Variants in SLC38A6 observed in about 807,000 individuals in gnomAD.
The protein encoded by SLC38A6 is solute carrier family 38 member 6, also known as N system amino acid transporter NAT-1.
SLC38A6 carries 73 observed loss-of-function variants against 65.0 expected under a neutral mutation model. The ratio of observed to expected loss-of-function variants is 1.12; its 90% confidence interval spans 0.93 to 1.37. The LOEUF is 1.37. Among genes scored for constraint, SLC38A6 ranks in the 40% most tolerant of loss-of-function variants. The pLI is 0.00. For missense variants in SLC38A6, 561 were observed against 531.1 expected (o/e 1.06, Z -0.55); for synonymous variants, 183 against 178.8 (o/e 1.02, Z -0.19).
chr14:61,014,912 G>C (rs1455734024), intron 3 of SLC38A6, among the ~76,000 whole-genome samples: 1 of 152,212 alleles, frequency 6.6e-6, no homozygotes, highest in East Asian at 1.9e-4. Flanking sequence ...CATCAAAGCT[G>C]TCAGACAGAG....
chr14:60,989,373 T>C (rs2037691870), intron 3 of SLC38A6, among the ~76,000 whole-genome samples: 1 of 152,202 alleles, frequency 6.6e-6, no homozygotes, highest in Non-Finnish European at 1.5e-5. Context: ...AAAATCTCTT[T>C]TACTTTGCAT....
At chr14:61,077,497 C>A (rs1485085914) in intron 15 of SLC38A6, among the ~76,000 whole-genome samples, 5 of 152,088 alleles carry the variant, frequency 3.3e-5, no homozygotes, top group Non-Finnish European at 7.4e-5. Flanking sequence ...CAGAAAAAAA[C>A]ACAGGACATT....
intron 15 of SLC38A6, among the ~76,000 whole-genome samples, chr14:61,069,178 C>T (rs117225981): frequency 0.01 from 1,596 of 152,274 alleles, 15 homozygotes; most frequent in Non-Finnish European, 0.014. Context: ...GACTCCAATG[C>T]ACAACTACTG....
intron 5 of SLC38A6, among the ~76,000 whole-genome samples, chr14:61,027,882 T>G (rs1306052070): frequency 6.6e-6 from 1 of 152,034 alleles, no homozygotes; most frequent in Non-Finnish European, 1.5e-5. Flanking sequence ...GGTTGTATAC[T>G]CTTAAAATAT....
chr14:61,004,009 C>A (rs1053930018), intron 3 of SLC38A6, among the ~76,000 whole-genome samples: 1 of 152,092 alleles, frequency 6.6e-6, no homozygotes, highest in Non-Finnish European at 1.5e-5. Context: ...ACCCAGGGAG[C>A]AAGTTTGAGG....
intron 15 of SLC38A6, among the ~76,000 whole-genome samples, chr14:61,076,238 A>G (rs909798645): frequency 3.3e-5 from 5 of 152,324 alleles, no homozygotes; most frequent in Admixed American, 3.3e-4. Context: ...ATGGAAAAAG[A>G]GTAGAAACAA....
intron 15 of SLC38A6, among the ~76,000 whole-genome samples, chr14:61,071,900 G>A (rs1489565977): frequency 2.0e-5 from 3 of 152,196 alleles, no homozygotes; most frequent in South Asian, 2.1e-4. Flanking sequence ...TAAATCTTGT[G>A]TATTTAGGGA....
At chr14:61,025,269 GAAAC>G (rs2040543178) in intron 5 of SLC38A6, among the ~76,000 whole-genome samples, 1 of 152,148 alleles carries the variant, frequency 6.6e-6, no homozygotes. Context: ...TTAGATGCTA[GAAAC>G]TACTTGGATT....
rs1370322253 is a variant in SLC38A6, at chr14:61,083,687, C to A, written c.1541C>A (p.Pro514Gln). 5.2e-6 allele frequency: 8 copies of A among 1,549,474 alleles called. No homozygotes were observed. In the East Asian group the frequency reaches 1.5e-4, roughly 28 times the overall value. ...GTCCACACCTTGATCTTGCACTTCC[C>A]AACCTCCAGAACTGTGAGCAAATAA... Residue 514 changes from proline to glutamine, a missense_variant, in exon 17 of 17, where the codon CCA (proline) becomes CAA (glutamine). By Grantham distance (76) the Pro-to-Gln change is moderately conservative. Coordinates refer to the SLC38A6 transcript ENST00000354886.
chr14:61,039,657 C>T (rs1182595909), intron 8 of SLC38A6, among the ~76,000 whole-genome samples: 1 of 151,912 alleles, frequency 6.6e-6, no homozygotes, highest in East Asian at 1.9e-4. Flanking sequence ...AGGCGTGAGC[C>T]ACCGTGCCCA....
chr14:61,037,778 G>A (rs1424480011), intron 8 of SLC38A6, 95 bp downstream of exon 8: 2 of 760,630 alleles, frequency 2.6e-6, no homozygotes, highest in African/African-American at 1.8e-5. Flanking sequence ...TGTTGGGAAG[G>A]GTATCTCATT....
At chr14:61,078,885 A>G in exon 16 of SLC38A6, 1 of 195,334 alleles carries the variant, frequency 5.1e-6, no homozygotes, top group Non-Finnish European at 1.1e-5. Context: ...CCCGGACTCA[A>G]GCAATCCTCC....
intron 5 of SLC38A6, among the ~76,000 whole-genome samples, chr14:61,020,047 T>G (rs1219690217): frequency 6.6e-6 from 1 of 152,112 alleles, no homozygotes; most frequent in African/African-American, 2.4e-5. Context: ...AAAACATAAA[T>G]AAATCTGAGA....
chr14:61,003,318 A>C (rs1299404615), intron 3 of SLC38A6, among the ~76,000 whole-genome samples: 1 of 152,134 alleles, frequency 6.6e-6, no homozygotes, highest in Non-Finnish European at 1.5e-5. Context: ...GCATTTAAAT[A>C]TTTTAAATAT....
rs544307366 is a variant in SLC38A6 at position 60,989,705 on chromosome 14, C to T, written c.310+4902C>T. On this transcript the variant is annotated intron_variant, in intron 3 of 15. Coordinates refer to ENST00000267488, the MANE Select transcript of SLC38A6 (RefSeq NM_153811.3). Reference sequence around the variant, plus strand: ...TGCTGTTGCACTTCAGCCTGGGGGACGGGAGTGAAACCCTGTCTCCAAAAA... The same window carrying T: ...TGCTGTTGCACTTCAGCCTGGGGGATGGGAGTGAAACCCTGTCTCCAAAAA... 9.9e-5 allele frequency among the ~76,000 whole-genome samples: 15 copies of T among 152,226 alleles called. No individual in the cohort carries two copies. The South Asian group carries it at 1.7e-3, about 17-fold the overall frequency.
downstream of SLC38A6, among the ~76,000 whole-genome samples, chr14:61,055,118 C>CTTTTTTTTTTTTT (rs1219357097): frequency 1.1e-4 from 11 of 98,654 alleles, no homozygotes; most frequent in South Asian, 7.2e-4. Context: ...TTTTTTTTTT[C>CTTTTTTTTTTTTT]TTTTTTTTTT....
intron 16 of SLC38A6, among the ~76,000 whole-genome samples, chr14:61,079,253 C>G (rs1249801027): frequency 6.6e-6 from 1 of 150,994 alleles, no homozygotes; most frequent in East Asian, 1.9e-4. Context: ...TCTCCTGCCT[C>G]CACCTCCTGA....
chr14:61,036,115 A>T (rs1383016539), intron 6 of SLC38A6, among the ~76,000 whole-genome samples: 1 of 152,072 alleles, frequency 6.6e-6, no homozygotes, highest in African/African-American at 2.4e-5. Flanking sequence ...TTATTTTACC[A>T]CCCAGAGATA....
intron 15 of SLC38A6, among the ~76,000 whole-genome samples, chr14:61,076,153 C>A (rs1446022591): frequency 6.6e-6 from 1 of 152,264 alleles, no homozygotes; most frequent in South Asian, 2.1e-4. Flanking sequence ...CCACACCCGG[C>A]CTTCAACTCA....
Sources: gnomAD v4.1 joint callset for allele counts (sites outside exome capture counted in the v4.1 genomes callset) on GRCh38, gnomAD v4.1.1 for gene constraint, MANE v1.5 for transcripts, NCBI Gene and HGNC (gene_info 2026-07-23, HGNC 2026-07-21) for gene names.